ACVR2B: variants seen among roughly 807,000 people sequenced by gnomAD.
ACVR2B encodes the protein activin receptor type-2B.
Under a neutral mutation model 65.1 loss-of-function variants are expected in ACVR2B, and 18 were observed. The observed-to-expected ratio is 0.28, with a 90% CI of 0.19 to 0.41. The LOEUF is 0.41. Among genes scored for constraint, ACVR2B ranks in the 10% least tolerant of loss-of-function variants. The probability of loss-of-function intolerance (pLI) is 1.00; values close to 1 mark genes in which losing one functional copy is unlikely to be tolerated. For missense variants in ACVR2B, 482 were observed against 682.7 expected, an observed-to-expected ratio of 0.71 and a Z score of 3.28; for synonymous variants, 298 against 277.7, an observed-to-expected ratio of 1.07 and a Z score of -0.73.
chr3:38,459,945 A>C lies in ACVR2B; in HGVS notation c.52+5571A>C, dbSNP rs553394532. Among the ~76,000 whole-genome samples the C allele has an allele frequency of 2.0e-5, 3 of 152,268 alleles. No homozygotes were observed. In the South Asian group the frequency reaches 6.2e-4, roughly 32 times the overall value. On this transcript the variant is annotated intron_variant, in intron 1 of 10. Coordinates refer to ENST00000352511, the MANE Select transcript of ACVR2B (RefSeq NM_001106.4). ...GGCCTGCTTCAAGCTTGGCTAGGGA[A>C]CGCTTCTGTGGGACTCTGTCTGTCT... is the stretch of plus-strand genomic sequence containing the variant.
rs940944046 is a variant in ACVR2B, at chr3:38,492,006, C to G, written c.*8674C>G. 2 of 152,206 alleles carry G rather than the reference C, an allele frequency of 1.3e-5. No homozygotes were observed. Among genetic ancestry groups the G allele is most frequent in the African/African-American group, 4.8e-5 (2 of 41,454 alleles). The allele number at this position is 152,206 out of a possible 1,614,324, so 9.4% of individuals were successfully genotyped here. ...TATTTTTCCACATTTGTCCTTGAAT[C>G]TGAATAACTTTATACAGTACTGTAA... On this transcript the variant is annotated 3_prime_UTR_variant, in exon 11 of 11. Coordinates refer to ENST00000352511, the MANE Select transcript of ACVR2B (RefSeq NM_001106.4).
chr3:38,472,738 C>T (rs1213352192), intron 1 of ACVR2B, among the ~76,000 whole-genome samples: 1 of 152,042 alleles, frequency 6.6e-6, no homozygotes, highest in Non-Finnish European at 1.5e-5. Context: ...CTCAGGGACT[C>T]CAGGGGAGGT....
At position 38,481,520 on chromosome 3, in the gene ACVR2B, C is replaced by T; in HGVS notation, c.1074+55C>T. The T allele has an allele frequency of 2.0e-6, 3 of 1,478,088 alleles. No individual in the cohort carries two copies. Among genetic ancestry groups the T allele is most frequent in the Middle Eastern group, 1.9e-4 (1 of 5,216 alleles). The allele number at this position is 1,478,088 out of a possible 1,614,324, so 91.6% of individuals were successfully genotyped here. A position where few individuals can be genotyped will look rare whatever the true frequency, so the allele number is the denominator to read the frequency against. ...GGACAGACCCAGGGTAGATACTTTG[C>T]CCTTTTTGTGCTCAGCTGGGGAGGT... On this transcript the variant is annotated intron_variant, in intron 8 of 10. Coordinates refer to ENST00000352511, the MANE Select transcript of ACVR2B (RefSeq NM_001106.4). The surrounding 1 kb of genome is among the most constrained non-coding windows in gnomAD (Gnocchi z 4.7).
rs1710090720 is a variant in ACVR2B at position 38,485,031 on chromosome 3, C to T, written c.*1699C>T. 6.6e-6 allele frequency: 1 copy of T among 152,370 alleles called. No individual in the cohort carries two copies. The highest frequency in any genetic ancestry group is 1.5e-5 in the Non-Finnish European group (1 of 68,048). The allele number at this position is 152,370 out of a possible 1,614,324, so 9.4% of individuals were successfully genotyped here. On this transcript the variant is annotated 3_prime_UTR_variant, in exon 11 of 11. Transcript: ENST00000352511. ...GGGCCAAGTCTGGGCATTTATCAGT[C>T]TTGTTTGTGAAGGCTTTTCCTTCTG...
chr3:38,482,485 G>A lies in ACVR2B; in HGVS notation c.1269G>A (p.Ser423=), dbSNP rs146067304. The stretch of plus-strand genomic sequence containing the variant: ...AGGAAGAGATTGGCCAGCACCCTTC[G>A]TTGGAGGAGCTGCAGGAGGTGGTGG... ...PFEEEIGQHP[S]LEELQEVVVH... Residue 423 remains serine (S), a synonymous_variant, in exon 10 of 11, where the codon TCG becomes TCA. Coordinates refer to ENST00000352511, the MANE Select transcript of ACVR2B (RefSeq NM_001106.4). 1.9e-4 allele frequency: 299 copies of A among 1,612,800 alleles called. No individual in the cohort carries two copies. Among genetic ancestry groups the A allele is most frequent in the Non-Finnish European group, 2.3e-4 (273 of 1,179,914 alleles).
intron 1 of ACVR2B, among the ~76,000 whole-genome samples, chr3:38,471,036 G>T (rs1559649971): frequency 6.6e-6 from 1 of 152,112 alleles, no homozygotes; most frequent in Non-Finnish European, 1.5e-5. Flanking sequence ...AAGAGAGAAA[G>T]ATTTTTTGTT....
At chr3:38,464,162 G>A (rs1006169328) in intron 1 of ACVR2B, among the ~76,000 whole-genome samples, 4 of 152,230 alleles carry the variant, frequency 2.6e-5, no homozygotes, top group Non-Finnish European at 4.4e-5. Context: ...GTCTATGACT[G>A]TCTGAAACAA....
chr3:38,465,805 A>G (rs1477930822), intron 1 of ACVR2B, among the ~76,000 whole-genome samples: 2 of 152,268 alleles, frequency 1.3e-5, no homozygotes, highest in Admixed American at 6.5e-5. Context: ...CCACAGATTC[A>G]AGAAGTCCTG....
At chr3:38,463,559 A>C (rs1709682924) in intron 1 of ACVR2B, among the ~76,000 whole-genome samples, 1 of 152,162 alleles carries the variant, frequency 6.6e-6, no homozygotes, top group African/African-American at 2.4e-5. Context: ...TTGTTCACCA[A>C]AGCTGTTGCT....
At chr3:38,465,397 C>CAA (rs71085325) in intron 1 of ACVR2B, among the ~76,000 whole-genome samples, 8,615 of 90,094 alleles carry the variant, frequency 0.096, 591 homozygotes, top group East Asian at 0.2. Context: ...GATTCCATCT[C>CAA]AAAAAAAAAA....
At chr3:38,459,803 C>A in intron 1 of ACVR2B, 1 of 373,192 alleles carries the variant, frequency 2.7e-6, no homozygotes, top group Non-Finnish European at 3.7e-6. Context: ...CTTAGACAGG[C>A]AGCCGACACT....
chr3:38,472,532 C>G (rs1178041286), intron 1 of ACVR2B, among the ~76,000 whole-genome samples: 1 of 151,332 alleles, frequency 6.6e-6, no homozygotes, highest in Admixed American at 6.6e-5. Flanking sequence ...TGGTGAGTGG[C>G]ACTCCTTCTC....
chr3:38,488,996 T>G lies in ACVR2B; in HGVS notation c.*5664T>G, dbSNP rs1230420219. ...TGGACATCTACAGAAGAGTATTACA[T>G]TCACTTGCAAAGTTTACATTTTTGA... On this transcript the variant is annotated 3_prime_UTR_variant, in exon 11 of 11. Coordinates refer to ENST00000352511, the MANE Select transcript of ACVR2B (RefSeq NM_001106.4). 4.6e-5 allele frequency: 7 copies of G among 152,254 alleles called. No individual in the cohort carries two copies. The highest frequency in any genetic ancestry group is 8.8e-5 in the Non-Finnish European group (6 of 68,042). 9.4% of individuals were successfully genotyped at this position (152,254 alleles called of 1,614,324 possible).
At chr3:38,473,326 C>T (rs1168557697) in intron 1 of ACVR2B, 1 of 152,318 alleles carries the variant, frequency 6.6e-6, no homozygotes, top group African/African-American at 2.4e-5. Context: ...CCATAAGCAC[C>T]CGCATCTTGG....
intron 1 of ACVR2B, among the ~76,000 whole-genome samples, chr3:38,460,551 G>T (rs1212382287): frequency 6.6e-6 from 1 of 152,208 alleles, no homozygotes; most frequent in Non-Finnish European, 1.5e-5. Context: ...CTTTCCCCTG[G>T]TTATTCTAGG....
At chr3:38,465,204 C>T (rs1222153666) in intron 1 of ACVR2B, among the ~76,000 whole-genome samples, 3 of 151,886 alleles carry the variant, frequency 2.0e-5, no homozygotes, top group African/African-American at 7.3e-5. Flanking sequence ...CAAGACCAAC[C>T]TGGCCAACAT....
Position 38,479,110 on chromosome 3 carries a change from C to G in ACVR2B, c.667-18C>G, listed in dbSNP as rs767032109. 5.6e-6 allele frequency: 9 copies of G among 1,613,994 alleles called. No homozygotes were observed. Among genetic ancestry groups the G allele is most frequent in the Admixed American group, 3.3e-5 (2 of 60,014 alleles). ...AAGCCAGCCACTTGTCCCCCCAACCCCTCGCCCCCGGCCTCAGGACAAGCA... is the reference window on the plus strand; with the variant it reads ...AAGCCAGCCACTTGTCCCCCCAACCGCTCGCCCCCGGCCTCAGGACAAGCA... On this transcript the variant is annotated intron_variant, in intron 5 of 10. Coordinates refer to ENST00000352511, the MANE Select transcript of ACVR2B (RefSeq NM_001106.4).
rs577145131 is a variant in ACVR2B, at chr3:38,491,847, A to G, written c.*8515A>G. 1 of 152,334 alleles carries G rather than the reference A, an allele frequency of 6.6e-6. No individual in the cohort carries two copies. Among genetic ancestry groups the G allele is most frequent in the Admixed American group, 6.5e-5 (1 of 15,298 alleles). 9.4% of individuals were successfully genotyped at this position (152,334 alleles called of 1,614,324 possible). A position where few individuals can be genotyped will look rare whatever the true frequency, so the allele number is the denominator to read the frequency against. On this transcript the variant is annotated 3_prime_UTR_variant, in exon 11 of 11. Coordinates refer to ENST00000352511, the MANE Select transcript of ACVR2B (RefSeq NM_001106.4). The stretch of plus-strand genomic sequence containing the variant: ...TTGAGGGAGAGGGTTACCGCAGAGT[A>G]GAAATATATTTCTAGATTTCAGTTC...
At chr3:38,479,624 G>T in intron 6 of ACVR2B, 54 bp from the exon 7 acceptor site, 1 of 1,605,060 alleles carries the variant, frequency 6.2e-7, no homozygotes, top group African/African-American at 1.3e-5. Flanking sequence ...GGCTGGGCTG[G>T]GTCCTGTCCT....
Sources: allele counts gnomAD v4.1 joint callset (sites outside exome capture counted in the v4.1 genomes callset), GRCh38; gene constraint gnomAD v4.1.1; non-coding constraint Gnocchi (gnomAD v3.1); transcripts MANE v1.5; gene names NCBI Gene and HGNC (gene_info 2026-07-23, HGNC 2026-07-21).